The following ZNF697 variants were observed in gnomAD, a reference collection of about 807,000 sequenced individuals.
ZNF697 encodes zinc finger protein 697.
ZNF697 carries 23 observed loss-of-function variants against 32.4 expected under a neutral mutation model. That is an observed-to-expected ratio of 0.71 (90% CI 0.51 to 1.01). ZNF697 has a LOEUF of 1.01. ZNF697 is among the 50% of genes least tolerant of loss of function. ZNF697 has a pLI of 0.00. For missense variants in ZNF697, 930 were observed against 794.0 expected (o/e 1.17, Z -2.06); for synonymous variants, 418 against 337.2 (o/e 1.24, Z -2.62).
At chr1:119,635,878 T>G (rs903118959) in intron 1 of ZNF697, among the ~76,000 whole-genome samples, 2 of 152,152 alleles carry the variant, frequency 1.3e-5, no homozygotes, top group Admixed American at 1.3e-4. Flanking sequence ...CCAGTCAAAT[T>G]GCTTCATATC....
rs587639640 is a variant in ZNF697 at position 119,619,815 on chromosome 1, T to G, written c.*2890A>C. On this transcript the variant is annotated 3_prime_UTR_variant, in exon 3 of 3. Transcript: ENST00000421812. ...TTTAATCAAAACCATTTAGCCTATT[T>G]AAATTGCTCCAGGTTTTGCTTAGTA... 7.9e-5 allele frequency: 12 copies of G among 152,778 alleles called. No homozygotes were observed. The highest frequency in any genetic ancestry group is 1.9e-4 in the African/African-American group (8 of 41,572). The allele number at this position is 152,778 out of a possible 1,614,324, so 9.5% of individuals were successfully genotyped here.
At chr1:119,641,386 A>G (rs1164777021) in intron 1 of ZNF697, among the ~76,000 whole-genome samples, 1 of 152,182 alleles carries the variant, frequency 6.6e-6, no homozygotes, top group African/African-American at 2.4e-5. Flanking sequence ...AAGCTCATAT[A>G]CTAAAAAAAA....
chr1:119,639,672 A>T (rs374701244), intron 1 of ZNF697, among the ~76,000 whole-genome samples: 1 of 149,656 alleles, frequency 6.7e-6, no homozygotes, highest in African/African-American at 2.5e-5. Flanking sequence ...TAAGCTCGGG[A>T]GTGCAAGATC....
Position 119,622,858 on chromosome 1 carries a change from G to A in ZNF697, c.1485C>T (p.Cys495=). 1 of 1,609,664 alleles carries A rather than the reference G, an allele frequency of 6.2e-7. No individual in the cohort carries two copies. The highest frequency in any genetic ancestry group is 8.5e-7 in the Non-Finnish European group (1 of 1,177,872). The change falls in exon 3 of 3, where the codon TGC becomes TGT. Residue 495 remains cysteine (C), a synonymous_variant. Transcript: ENST00000421812. ...RTHTGEKPYT[C]IECGKSFIQS... ...GGATAAAGCTCTTGCCGCACTCGAT[G>A]CACGTGTAGGGCTTCTCGCCCGTGT...
rs748948550 is a variant in ZNF697 at position 119,623,296 on chromosome 1, C to G, written c.1047G>C (p.Ala349=). 24 of 1,368,604 alleles carry G rather than the reference C, an allele frequency of 1.8e-5. No individual in the cohort carries two copies. The highest frequency in any genetic ancestry group is 2.0e-5 in the Non-Finnish European group (21 of 1,065,522). 84.8% of individuals were successfully genotyped at this position (1,368,604 alleles called of 1,614,324 possible). A position where few individuals can be genotyped will look rare whatever the true frequency, so the allele number is the denominator to read the frequency against. Residue 349 remains alanine, a synonymous_variant, in exon 3 of 3, where the codon GCG becomes GCC. Coordinates refer to ENST00000421812, the MANE Select transcript of ZNF697 (RefSeq NM_001080470.2). ...ACTCCCCGCAGGCGAAGGGCCGCAGCGCCGCCGCCCCCGCGCCGCTGGCCG... is the reference window on the plus strand; with the variant it reads ...ACTCCCCGCAGGCGAAGGGCCGCAGGGCCGCCGCCCCCGCGCCGCTGGCCG... ...HAAASGAGAA[A]LRPFACGECG...
In ZNF697 at chr1:119,622,628, T is replaced by C; in HGVS notation, c.*77A>G. ...ATTGTCCCTCCCGCCCCTTCCCCAC[T>C]TCCTTCCCCTGGGTCAGTCCCAGGA... On this transcript the variant is annotated 3_prime_UTR_variant, in exon 3 of 3. Transcript: ENST00000421812. The C allele has an allele frequency of 7.4e-7, 1 of 1,355,018 alleles. No individual in the cohort carries two copies. The highest frequency in any genetic ancestry group is 9.7e-7 in the Non-Finnish European group (1 of 1,035,788). 83.9% of individuals were successfully genotyped at this position (1,355,018 alleles called of 1,614,324 possible). A position where few individuals can be genotyped will look rare whatever the true frequency, so the allele number is the denominator to read the frequency against.
Position 119,619,708 on chromosome 1 carries a change from T to C in ZNF697, c.*2997A>G, listed in dbSNP as rs1570932070. On this transcript the variant is annotated 3_prime_UTR_variant, in exon 3 of 3. Transcript: ENST00000421812. ...TCCTTAATTTGTATTTTTTCACATA[T>C]GTACAGTCTCTTGATTGTAAAGAGA... 6.5e-6 allele frequency: 1 copy of C among 152,676 alleles called. No homozygotes were observed. The highest frequency in any genetic ancestry group is 6.5e-5 in the Admixed American group (1 of 15,286). The allele number at this position is 152,676 out of a possible 1,614,324, so 9.5% of individuals were successfully genotyped here.
chr1:119,637,822 A>AC (rs1648964145), intron 1 of ZNF697, among the ~76,000 whole-genome samples: 1 of 151,568 alleles, frequency 6.6e-6, no homozygotes, highest in South Asian at 2.1e-4. Context: ...TGTTGGCTAG[A>AC]AAAAAAAAGC....
At chr1:119,637,199 AAAG>A (rs1648946433) in intron 1 of ZNF697, among the ~76,000 whole-genome samples, 1 of 152,244 alleles carries the variant, frequency 6.6e-6, no homozygotes, top group South Asian at 2.1e-4. Flanking sequence ...ATACCCAGAT[AAAG>A]AAGGGCATTC....
chr1:119,635,953 A>G (rs1004217849), intron 1 of ZNF697, among the ~76,000 whole-genome samples: 1 of 152,168 alleles, frequency 6.6e-6, no homozygotes, highest in Non-Finnish European at 1.5e-5. Context: ...GAAAGCTCAC[A>G]GATATTTTCT....
intron 1 of ZNF697, among the ~76,000 whole-genome samples, chr1:119,632,458 T>C (rs934179615): frequency 1.3e-4 from 20 of 152,246 alleles, no homozygotes; most frequent in African/African-American, 4.8e-4. Flanking sequence ...TTGTGGTTAC[T>C]GCTTTTTTTA....
At chr1:119,630,904 A>G (rs1648744574) in intron 1 of ZNF697, among the ~76,000 whole-genome samples, 1 of 152,094 alleles carries the variant, frequency 6.6e-6, no homozygotes, top group Non-Finnish European at 1.5e-5. Flanking sequence ...ATGAGGTGGG[A>G]AGATCGGGGA....
chr1:119,639,057 T>C (rs1457807555), intron 1 of ZNF697, among the ~76,000 whole-genome samples: 1 of 152,224 alleles, frequency 6.6e-6, no homozygotes, highest in Non-Finnish European at 1.5e-5. Flanking sequence ...ATCTGGCCCA[T>C]GTCAGATTTA....
At chr1:119,626,475 CA>C (rs1432938226) in intron 1 of ZNF697, among the ~76,000 whole-genome samples, 4 of 152,104 alleles carry the variant, frequency 2.6e-5, no homozygotes, top group East Asian at 1.9e-4. Flanking sequence ...ACTTGAAACT[CA>C]AAAAGAAGAG....
In ZNF697 at chr1:119,648,113, C is replaced by A. The variant is rs1221613755; in HGVS notation, c.-460G>T. 1.3e-5 allele frequency among the ~76,000 whole-genome samples: 2 copies of A among 152,104 alleles called. No individual in the cohort carries two copies. The highest frequency in any genetic ancestry group is 2.4e-5 in the African/African-American group (1 of 41,452). ...CGGCGAGGAGCTAGGGCACCGAGCG[C>A]CCCGGCCCGAGCCCCGCACCGCAGC... On this transcript the variant is annotated 5_prime_UTR_variant, in exon 1 of 3. Coordinates refer to ENST00000421812, the MANE Select transcript of ZNF697 (RefSeq NM_001080470.2).
In ZNF697 at chr1:119,623,572, G is replaced by A. The variant is rs746815726; in HGVS notation, c.771C>T (p.Arg257=). ...ACTCCCCGCAGCGGAAGGGCTTTTC[G>A]CGCGGGGGCCGGGCCAGCGGGGGCC... ...GAGPPLARPP[R]EKPFRCGECG... is the part of the protein sequence containing the mutation. Residue 257 remains arginine (R), a synonymous_variant, in exon 3 of 3, where the codon CGC becomes CGT. Coordinates refer to ENST00000421812, the MANE Select transcript of ZNF697 (RefSeq NM_001080470.2). The A allele has an allele frequency of 5.4e-6, 8 of 1,485,566 alleles. No individual in the cohort carries two copies. The highest frequency in any genetic ancestry group is 5.5e-5 in the East Asian group (2 of 36,230). 92.0% of individuals were successfully genotyped at this position (1,485,566 alleles called of 1,614,324 possible).
chr1:119,643,521 G>C (rs1649132788), intron 1 of ZNF697, among the ~76,000 whole-genome samples: 1 of 152,090 alleles, frequency 6.6e-6, no homozygotes. Context: ...AGAAGCTACT[G>C]ATCTTTTAAC....
chr1:119,639,049 C>G (rs1648998315), intron 1 of ZNF697, among the ~76,000 whole-genome samples: 1 of 152,202 alleles, frequency 6.6e-6, no homozygotes, highest in African/African-American at 2.4e-5. Context: ...TGTATTGTAT[C>G]TGGCCCATGT....
intron 1 of ZNF697, among the ~76,000 whole-genome samples, chr1:119,629,313 C>T (rs1648696454): frequency 6.6e-6 from 1 of 152,204 alleles, no homozygotes; most frequent in South Asian, 2.1e-4. Flanking sequence ...ATCTAGAAAA[C>T]TTAATATTCA....
Sources: allele counts gnomAD v4.1 joint callset (sites outside exome capture counted in the v4.1 genomes callset), GRCh38; gene constraint gnomAD v4.1.1; transcripts MANE v1.5; gene names NCBI Gene and HGNC (gene_info 2026-07-23, HGNC 2026-07-21).